LAMC1: variants seen among roughly 807,000 people sequenced by gnomAD.
The protein encoded by LAMC1 is laminin subunit gamma 1.
Under a neutral mutation model 173.6 loss-of-function variants are expected in LAMC1, and 38 were observed. That is an observed-to-expected ratio of 0.22 (90% CI 0.17 to 0.29). The LOEUF (loss-of-function observed/expected upper bound fraction) is 0.29, where lower values mean the gene tolerates loss of function less well. Among genes scored for constraint, LAMC1 ranks in the 10% least tolerant of loss-of-function variants. The pLI, the probability that LAMC1 is intolerant of heterozygous loss-of-function variation, is 1.00. For synonymous variants in LAMC1, 746 were observed against 749.1 expected, an observed-to-expected ratio of 1.00 and a Z score of 0.07; for missense variants, 1,824 against 2,051.8, an observed-to-expected ratio of 0.89 and a Z score of 2.14.
intron 1 of LAMC1, among the ~76,000 whole-genome samples, chr1:183,038,412 TGTTGGG>T (rs1654040165): frequency 6.6e-6 from 1 of 152,118 alleles, no homozygotes; most frequent in Admixed American, 6.5e-5. Flanking sequence ...GAGGGCTGAG[TGTTGGG>T]CTTAAAATGT....
At chr1:183,120,167 C>CAAAAA (rs55642592) in intron 11 of LAMC1, among the ~76,000 whole-genome samples, 5,833 of 64,522 alleles carry the variant, frequency 0.09, 432 homozygotes, top group Admixed American at 0.14. Flanking sequence ...GGATCTATCT[C>CAAAAA]AAAAAAAAAA....
At chr1:183,077,394 T>C (rs115634139) in intron 1 of LAMC1, among the ~76,000 whole-genome samples, 1 of 152,312 alleles carries the variant, frequency 6.6e-6, no homozygotes, top group Non-Finnish European at 1.5e-5. Flanking sequence ...TTCTGATGAC[T>C]AGCTCTTTTT....
At chr1:183,128,840 A>AT in intron 18 of LAMC1, 90 bp downstream of exon 18, 1 of 1,042,538 alleles carries the variant, frequency 9.6e-7, no homozygotes, top group Non-Finnish European at 1.3e-6. Context: ...GTTTTATAAA[A>AT]TTCTTTCTCA....
chr1:183,079,434 T>C (rs1228167851), intron 1 of LAMC1, among the ~76,000 whole-genome samples: 1 of 151,696 alleles, frequency 6.6e-6, no homozygotes, highest in African/African-American at 2.4e-5. Flanking sequence ...TTTGTATTTT[T>C]TGGTAGAGAC....
Position 183,103,425 on chromosome 1 carries a change from G to T in LAMC1, c.516G>T (p.Trp172Cys). 1 of 1,614,188 alleles carries T rather than the reference G, an allele frequency of 6.2e-7. No individual in the cohort carries two copies. The highest frequency in any genetic ancestry group is 1.1e-5 in the South Asian group (1 of 91,078). The change falls in exon 2 of 28, where the codon TGG (tryptophan) becomes TGT (cysteine). Residue 172 changes from tryptophan (W) to cysteine (C), a missense_variant. Trp to Cys is a radical substitution (Grantham distance 215, BLOSUM62 -2). Coordinates refer to ENST00000258341, the MANE Select transcript of LAMC1 (RefSeq NM_002293.4). ...AGCGCACACGGGAAGACGGGCCCTG[G>T]ATTCCTTACCAGTACTACAGTGGTT... ...IYKRTREDGP[W>C]IPYQYYSGSC...
intron 1 of LAMC1, among the ~76,000 whole-genome samples, chr1:183,078,116 A>G (rs149872840): frequency 6.4e-4 from 98 of 152,262 alleles, no homozygotes; most frequent in African/African-American, 2.3e-3. Flanking sequence ...ATTCTTGACT[A>G]GTTATGTATC....
chr1:183,055,827 A>T (rs1654576737), intron 1 of LAMC1, among the ~76,000 whole-genome samples: 1 of 152,346 alleles, frequency 6.6e-6, no homozygotes, highest in South Asian at 2.1e-4. Context: ...AAAGAAAAAA[A>T]AAAGAAATAA....
chr1:183,078,949 T>C (rs10911223), intron 1 of LAMC1, among the ~76,000 whole-genome samples: 76,851 of 151,830 alleles, frequency 0.51, 20,001 homozygotes, highest in South Asian at 0.64. Flanking sequence ...GAGCCAAGAT[T>C]GCACCTTTGC....
rs910816853 is a variant in LAMC1, at chr1:183,114,532, C to T, written c.1023C>T (p.Pro341=). 1.9e-6 allele frequency: 3 copies of T among 1,614,172 alleles called. No homozygotes were observed. In the African/African-American group the frequency reaches 4.0e-5, roughly 22 times the overall value. ...TAACTCGTGTGTTTTGACTGACAGCCTGTGATTGCAATGGTCGATCCCAGG... is the reference window on the plus strand; with the variant it reads ...TAACTCGTGTGTTTTGACTGACAGCTTGTGATTGCAATGGTCGATCCCAGG... ...ATAESASECL[P]CDCNGRSQEC... Residue 341 remains proline (P), a splice_region_variant and synonymous_variant, in exon 5 of 28, where the codon CCC becomes CCT. Coordinates refer to ENST00000258341, the MANE Select transcript of LAMC1 (RefSeq NM_002293.4).
chr1:183,128,837 A>G (rs902689869), intron 18 of LAMC1, 87 bp downstream of exon 18: 8 of 1,064,232 alleles, frequency 7.5e-6, no homozygotes, highest in Non-Finnish European at 1.0e-5. Flanking sequence ...ATAGTTTTAT[A>G]AAATTCTTTC....
intron 22 of LAMC1, among the ~76,000 whole-genome samples, chr1:183,133,805 A>AC (rs1656865014): frequency 6.6e-6 from 1 of 152,264 alleles, no homozygotes; most frequent in Admixed American, 6.5e-5. Flanking sequence ...ACATAGTGAG[A>AC]CCCCATCTCT....
chr1:183,058,893 A>G (rs1251697412), intron 1 of LAMC1, among the ~76,000 whole-genome samples: 3 of 152,266 alleles, frequency 2.0e-5, no homozygotes, highest in African/African-American at 4.8e-5. Flanking sequence ...AAAGCCTGTC[A>G]GCTGCAATCA....
Position 183,127,555 on chromosome 1 carries a change from AAAAT to A in LAMC1, c.3123+163_3123+166del, listed in dbSNP as rs1159656963. 4.8e-6 allele frequency: 3 copies of A among 630,318 alleles called. No homozygotes were observed. In the African/African-American group the frequency reaches 5.5e-5, roughly 12 times the overall value. The allele number at this position is 630,318 out of a possible 1,614,324, so 39.0% of individuals were successfully genotyped here. A position where few individuals can be genotyped will look rare whatever the true frequency, so the allele number is the denominator to read the frequency against. On this transcript the variant is annotated intron_variant, in intron 17 of 27. Transcript: ENST00000258341. ...GTTCCAGTTGGGAGGCAAATAATAA[AAAAT>A]AAATAAATAAACAAAACAAACACTG...
chr1:183,105,725 G>T (rs1655962743), intron 2 of LAMC1, among the ~76,000 whole-genome samples: 1 of 152,138 alleles, frequency 6.6e-6, no homozygotes, highest in South Asian at 2.1e-4. Context: ...GGATGTAAGA[G>T]CTCTGTCTCT....
chr1:183,138,503 C>T (rs1234886414), intron 26 of LAMC1: 1 of 152,194 alleles, frequency 6.6e-6, no homozygotes, highest in Non-Finnish European at 1.5e-5. Context: ...TGGTTACTTG[C>T]TCACTTTCAG....
At chr1:183,135,256 TC>T in intron 24 of LAMC1, 100 bp downstream of exon 24, 1 of 706,130 alleles carries the variant, frequency 1.4e-6, no homozygotes, top group Non-Finnish European at 2.5e-6. Flanking sequence ...CATCCCCAAC[TC>T]CCTACTTTTT....
intron 1 of LAMC1, among the ~76,000 whole-genome samples, chr1:183,067,596 C>A (rs944135457): frequency 5.9e-5 from 9 of 152,132 alleles, no homozygotes; most frequent in Admixed American, 3.9e-4. Flanking sequence ...TCAAGTAATT[C>A]TCCTGCCTCA....
At position 183,118,068 on chromosome 1, in the gene LAMC1, G is replaced by C. The variant is rs773693970; in HGVS notation, c.1912G>C (p.Ala638Pro). 3.1e-6 allele frequency: 5 copies of C among 1,613,668 alleles called. No individual in the cohort carries two copies. The highest frequency in any genetic ancestry group is 4.2e-6 in the Non-Finnish European group (5 of 1,179,614). The change falls in exon 11 of 28, where the codon GCT becomes CCT. Residue 638 changes from alanine (A) to proline (P), a missense_variant. Physicochemically the swap from Ala to Pro is conservative, Grantham distance 27 (BLOSUM62 -1). Transcript: ENST00000258341. ...AGCAACAGATTACCCTTGGAGGCCT[G>C]CTCTTACCCCTTTTGAATTTCAGAA... is the stretch of plus-strand genomic sequence containing the variant. ...HEATDYPWRP[A>P]LTPFEFQKLL...
chr1:183,100,892 C>G (rs1436240041), intron 1 of LAMC1, among the ~76,000 whole-genome samples: 1 of 152,166 alleles, frequency 6.6e-6, no homozygotes, highest in Non-Finnish European at 1.5e-5. Flanking sequence ...AAGCTCAGTG[C>G]CAGCAAGGCC....
Sources: gnomAD v4.1 joint callset for allele counts (sites outside exome capture counted in the v4.1 genomes callset) on GRCh38, gnomAD v4.1.1 for gene constraint, MANE v1.5 for transcripts, NCBI Gene and HGNC (gene_info 2026-07-23, HGNC 2026-07-21) for gene names.